The following ACP3 variants were observed in gnomAD, a reference collection of about 807,000 sequenced individuals.
ACP3 encodes prostatic acid phosphatase.
In ACP3, 38 loss-of-function variants were observed where a neutral mutation model predicts 45.6. The observed-to-expected ratio is 0.83, with a 90% CI of 0.64 to 1.09. The LOEUF (loss-of-function observed/expected upper bound fraction) is 1.09. Ranked by LOEUF, ACP3 falls within the 50% of genes least tolerant of loss-of-function variation. ACP3 has a pLI of 0.00. For missense variants in ACP3, 466 were observed against 463.2 expected (o/e 1.01, Z -0.05); for synonymous variants, 162 against 164.7 (o/e 0.98, Z 0.13).
intron 6 of ACP3, among the ~76,000 whole-genome samples, chr3:132,343,284 T>C (rs1472733615): frequency 6.6e-6 from 1 of 152,174 alleles, no homozygotes; most frequent in East Asian, 1.9e-4. Flanking sequence ...ACCCACCTAA[T>C]TCATATTGAC....
chr3:132,364,659 G>T (rs1183230287), intron 10 of ACP3, among the ~76,000 whole-genome samples: 1 of 152,108 alleles, frequency 6.6e-6, no homozygotes, highest in African/African-American at 2.4e-5. Context: ...TACCTTTCTG[G>T]TTCTCCTGCT....
At chr3:132,334,031 G>A (rs310002) in intron 4 of ACP3, among the ~76,000 whole-genome samples, 3,757 of 152,134 alleles carry the variant, frequency 0.025, 142 homozygotes, top group African/African-American at 0.086. Flanking sequence ...AGATCGCACC[G>A]TTGCACTCCA....
intron 10 of ACP3, among the ~76,000 whole-genome samples, chr3:132,363,939 A>AAAAT (rs1467928966): frequency 1.3e-5 from 2 of 152,162 alleles, no homozygotes; most frequent in East Asian, 1.9e-4. Flanking sequence ...TCCATCTCAA[A>AAAAT]AAATAAATAA....
chr3:132,345,108 TC>T, intron 7 of ACP3, 49 bp downstream of exon 7: 1 of 1,536,556 alleles, frequency 6.5e-7, no homozygotes, highest in South Asian at 1.1e-5. Flanking sequence ...GGTTGAATGA[TC>T]CAGGTCTGAG....
rs907338091 is a variant in ACP3, at chr3:132,357,642, T to C, written c.*764T>C. 3 of 985,036 alleles carry C rather than the reference T, an allele frequency of 3.0e-6. No individual in the cohort carries two copies. The Admixed American group carries it at 1.8e-4, about 61-fold the overall frequency. 61.0% of individuals were successfully genotyped at this position (985,036 alleles called of 1,614,324 possible). A position where few individuals can be genotyped will look rare whatever the true frequency, so the allele number is the denominator to read the frequency against. ...TATATATCATAGCAAATAAGTCATCTGATGAGAACAAGCTATTTGGGCACA... is the reference window on the plus strand; with the variant it reads ...TATATATCATAGCAAATAAGTCATCCGATGAGAACAAGCTATTTGGGCACA... On this transcript the variant is annotated 3_prime_UTR_variant, in exon 10 of 10. Transcript: ENST00000336375.
At chr3:132,318,334 C>T (rs1364907974) in intron 1 of ACP3, among the ~76,000 whole-genome samples, 1 of 152,010 alleles carries the variant, frequency 6.6e-6, no homozygotes, top group Non-Finnish European at 1.5e-5. Context: ...CTCTAAGCTG[C>T]TTCTTGCCTT....
At chr3:132,336,142 C>T (rs1484086901) in intron 4 of ACP3, among the ~76,000 whole-genome samples, 30 of 152,164 alleles carry the variant, frequency 2.0e-4, no homozygotes, top group Non-Finnish European at 4.4e-5. Flanking sequence ...CGCCTGTAGT[C>T]CCAGCTACTC....
At chr3:132,350,146 A>T (rs757117923) in intron 8 of ACP3, 144 bp downstream of exon 8, 21 of 622,150 alleles carry the variant, frequency 3.4e-5, no homozygotes, top group Non-Finnish European at 5.4e-5. Context: ...AATTAAATGC[A>T]TCATTCTGTC....
downstream of ACP3, among the ~76,000 whole-genome samples, chr3:132,363,793 C>T (rs1438636615): frequency 2.6e-5 from 4 of 151,870 alleles, no homozygotes; most frequent in Non-Finnish European, 5.9e-5. Context: ...AAAAATTGGC[C>T]GGGCATGGTG....
chr3:132,339,508 C>A (rs1937527475), intron 5 of ACP3, among the ~76,000 whole-genome samples: 1 of 152,324 alleles, frequency 6.6e-6, no homozygotes, highest in South Asian at 2.1e-4. Flanking sequence ...TCCAGACCTC[C>A]AAACTTCTGA....
intron 7 of ACP3, 117 bp from the exon 8 acceptor site, chr3:132,349,803 C>T (rs1033216839): frequency 3.0e-6 from 2 of 674,774 alleles, no homozygotes; most frequent in Non-Finnish European, 5.3e-6. Flanking sequence ...TAGATCTTTG[C>T]CCCTCTTCTT....
chr3:132,359,311 G>C (rs1016671694), downstream of ACP3, among the ~76,000 whole-genome samples: 8 of 152,124 alleles, frequency 5.3e-5, no homozygotes, highest in Non-Finnish European at 5.9e-5. Context: ...AGGAGATTGA[G>C]ACCATCCTGG....
At chr3:132,321,767 C>T (rs527709552) in intron 1 of ACP3, among the ~76,000 whole-genome samples, 1 of 152,254 alleles carries the variant, frequency 6.6e-6, no homozygotes, top group East Asian at 1.9e-4. Context: ...AAGGAGAGTG[C>T]TGTTTCCCAT....
At chr3:132,319,717 C>T (rs561480863) in intron 1 of ACP3, among the ~76,000 whole-genome samples, 67 of 152,236 alleles carry the variant, frequency 4.4e-4, no homozygotes, top group African/African-American at 1.5e-3. Context: ...ATGGTGGAGA[C>T]AGAATTTGAA....
At chr3:132,362,920 T>A (rs953784214), downstream of ACP3, among the ~76,000 whole-genome samples, 5 of 152,172 alleles carry the variant, frequency 3.3e-5, no homozygotes, top group Non-Finnish European at 7.4e-5. Context: ...AGAGGACAGA[T>A]GCTGTAACTG....
intron 10 of ACP3, among the ~76,000 whole-genome samples, chr3:132,364,216 T>C (rs73215952): frequency 0.12 from 18,956 of 152,092 alleles, 1,404 homozygotes; most frequent in Non-Finnish European, 0.18. Flanking sequence ...CATGGTGGCA[T>C]GCATCTGTGG....
intron 1 of ACP3, among the ~76,000 whole-genome samples, chr3:132,318,643 T>C (rs2107789493): frequency 6.6e-6 from 1 of 152,244 alleles, no homozygotes; most frequent in Middle Eastern, 3.4e-3. Context: ...GAAAACCCAG[T>C]GAAACAAACT....
intron 1 of ACP3, among the ~76,000 whole-genome samples, chr3:132,320,806 A>C (rs1470793906): frequency 6.6e-6 from 1 of 151,830 alleles, no homozygotes; most frequent in Non-Finnish European, 1.5e-5. Flanking sequence ...GTGTGCCACC[A>C]TGCCTGGCTA....
intron 8 of ACP3, among the ~76,000 whole-genome samples, chr3:132,350,760 A>T (rs1420874300): frequency 1.3e-5 from 2 of 152,230 alleles, no homozygotes; most frequent in Non-Finnish European, 2.9e-5. Context: ...GAAAGAAGCA[A>T]GGAAGCAAGG....
Sources: allele counts gnomAD v4.1 joint callset (sites outside exome capture counted in the v4.1 genomes callset), GRCh38; gene constraint gnomAD v4.1.1; transcripts MANE v1.5; gene names NCBI Gene and HGNC (gene_info 2026-07-23, HGNC 2026-07-21).